The following CADPS variants were observed in gnomAD, a reference collection of about 807,000 sequenced individuals.
The protein encoded by CADPS is calcium-dependent secretion activator 1.
CADPS carries 57 observed loss-of-function variants against 167.3 expected under a neutral mutation model. The observed-to-expected ratio is 0.34, with a 90% CI of 0.28 to 0.42. CADPS has a LOEUF of 0.42. Among genes scored for constraint, CADPS ranks in the 20% least tolerant of loss-of-function variants. CADPS has a pLI of 1.00. For missense variants in CADPS, 1,414 were observed against 1,738.1 expected (o/e 0.81, Z 3.32); for synonymous variants, 676 against 635.3 (o/e 1.06, Z -0.96).
chr3:62,852,700 T>G (rs1055306268), intron 1 of CADPS, among the ~76,000 whole-genome samples: 1 of 152,128 alleles, frequency 6.6e-6, no homozygotes, highest in Non-Finnish European at 1.5e-5. Context: ...TGATCCATAA[T>G]TTCCACTTCT....
intron 6 of CADPS, among the ~76,000 whole-genome samples, chr3:62,638,273 T>C (rs951044890): frequency 6.6e-6 from 1 of 152,106 alleles, no homozygotes; most frequent in African/African-American, 2.4e-5. Flanking sequence ...CAAGTATCTG[T>C]TATTTTCTTA....
chr3:62,650,438 G>A (rs1022964206), intron 5 of CADPS, among the ~76,000 whole-genome samples: 1 of 152,098 alleles, frequency 6.6e-6, no homozygotes, highest in Non-Finnish European at 1.5e-5. Context: ...TCCACCACAA[G>A]GGACTCTCTA....
chr3:62,680,957 G>A (rs927340014), intron 3 of CADPS, among the ~76,000 whole-genome samples: 1 of 151,940 alleles, frequency 6.6e-6, no homozygotes, highest in Admixed American at 6.6e-5. Context: ...GTTCTTCATG[G>A]TCTGGGCTCA....
rs562127095 is a variant in CADPS, at chr3:62,827,132, T to A, written c.441+47457A>T. 2.0e-5 allele frequency among the ~76,000 whole-genome samples: 3 copies of A among 152,296 alleles called. No homozygotes were observed. In the South Asian group the frequency reaches 6.2e-4, roughly 32 times the overall value. ...TGTACTGCAGAGGGTGTGGGGGTGC[T>A]ATTTCTTGATTCCCCCCACCCAGGT... is the stretch of plus-strand genomic sequence containing the variant. On this transcript the variant is annotated intron_variant, in intron 1 of 29. Coordinates refer to ENST00000383710, the MANE Select transcript of CADPS (RefSeq NM_003716.4).
chr3:62,433,352 G>A lies in CADPS; in HGVS notation c.3777+4752C>T, dbSNP rs1414989777. ...AACAGCAAATTAAAATCCGTGCGAGGCAAAGAATACTGAGTAGCAGCCCCT... is the reference window on the plus strand; with the variant it reads ...AACAGCAAATTAAAATCCGTGCGAGACAAAGAATACTGAGTAGCAGCCCCT... On this transcript the variant is annotated intron_variant, in intron 28 of 29. Transcript: ENST00000383710. This position sits in a 1 kb window ranked among gnomAD's most constrained non-coding sequence, Gnocchi z 4.7. Among the ~76,000 whole-genome samples the A allele has an allele frequency of 2.6e-5, 4 of 152,126 alleles. No individual in the cohort carries two copies. The highest frequency in any genetic ancestry group is 4.4e-5 in the Non-Finnish European group (3 of 68,028).
At chr3:62,547,175 C>T (rs1275581184) in intron 11 of CADPS, among the ~76,000 whole-genome samples, 1 of 152,134 alleles carries the variant, frequency 6.6e-6, no homozygotes, top group Non-Finnish European at 1.5e-5. Context: ...TGTTGAAGCT[C>T]TGTTGCAGGG....
intron 3 of CADPS, among the ~76,000 whole-genome samples, chr3:62,750,602 C>T (rs761266117): frequency 1.3e-5 from 2 of 152,076 alleles, no homozygotes; most frequent in Admixed American, 6.6e-5. Context: ...AATTTGGAGA[C>T]ATAAAAAAGC....
chr3:62,767,978 C>G (rs1365258433), intron 1 of CADPS, among the ~76,000 whole-genome samples: 2 of 152,090 alleles, frequency 1.3e-5, no homozygotes, highest in African/African-American at 2.4e-5. Context: ...TTCAGAGTAA[C>G]CAAACTGCAG....
chr3:62,423,157 T>A (rs1188524855), intron 28 of CADPS, among the ~76,000 whole-genome samples: 1 of 152,212 alleles, frequency 6.6e-6, no homozygotes, highest in Non-Finnish European at 1.5e-5. Context: ...GGATGGGGTA[T>A]CACCCTGAAG....
At chr3:62,647,488 C>T (rs2068849705) in intron 5 of CADPS, among the ~76,000 whole-genome samples, 1 of 152,170 alleles carries the variant, frequency 6.6e-6, no homozygotes, top group Non-Finnish European at 1.5e-5. Context: ...AGAAGCCATA[C>T]TTTCAAAACC....
intron 1 of CADPS, among the ~76,000 whole-genome samples, chr3:62,780,859 G>C (rs992693517): frequency 3.9e-5 from 6 of 152,064 alleles, no homozygotes; most frequent in African/African-American, 1.4e-4. Flanking sequence ...CAGCTCATTA[G>C]ATATTTATAT....
At chr3:62,565,124 G>A (rs1312910358) in intron 9 of CADPS, among the ~76,000 whole-genome samples, 1 of 152,134 alleles carries the variant, frequency 6.6e-6, no homozygotes, top group African/African-American at 2.4e-5. Context: ...ACTAACAGTA[G>A]TAATCAATGT....
chr3:62,627,846 C>T (rs1190391780), intron 6 of CADPS, among the ~76,000 whole-genome samples: 2 of 152,070 alleles, frequency 1.3e-5, no homozygotes, highest in South Asian at 2.1e-4. Flanking sequence ...AAACAGGATT[C>T]CCCTTTCCTC....
rs478123 is a variant in CADPS, at chr3:62,753,417, A to G, written c.888+24T>C. 0.9 allele frequency: 1,409,783 copies of G among 1,569,946 alleles called. 634,605 individuals are homozygous for G. The highest frequency in any genetic ancestry group is 0.93 in the East Asian group (41,194 of 44,402). On this transcript the variant is annotated intron_variant, in intron 3 of 29. Transcript: ENST00000383710. This position sits in a 1 kb window ranked among gnomAD's most constrained non-coding sequence, Gnocchi z 4.6. ...TGCAGCTCTGCTTACCCACAGCTCT[A>G]GGCCCAGGCGAGAAACACCTTACCT...
intron 8 of CADPS, among the ~76,000 whole-genome samples, chr3:62,584,887 T>C (rs1490295370): frequency 6.6e-6 from 1 of 152,194 alleles, no homozygotes; most frequent in African/African-American, 2.4e-5. Context: ...ACGCGGAGCC[T>C]GTAAGACCTC....
At chr3:62,501,875 C>A (rs985858729) in intron 17 of CADPS, among the ~76,000 whole-genome samples, 2 of 152,198 alleles carry the variant, frequency 1.3e-5, no homozygotes, top group Non-Finnish European at 2.9e-5. Flanking sequence ...ATAAATTGTG[C>A]ATGTGCATGC....
intron 11 of CADPS, among the ~76,000 whole-genome samples, chr3:62,549,122 T>C (rs1439933739): frequency 3.9e-5 from 6 of 152,226 alleles, no homozygotes; most frequent in Non-Finnish European, 8.8e-5. Context: ...TCTGATTGAC[T>C]TGATATTCAG....
At chr3:62,629,757 G>GTTTTTTTTTTTTTTTTTTTT (rs55956118) in intron 6 of CADPS, among the ~76,000 whole-genome samples, 3 of 145,672 alleles carry the variant, frequency 2.1e-5, no homozygotes, top group Non-Finnish European at 3.0e-5. Flanking sequence ...CTCTGGTACA[G>GTTTTTTTTTTTTTTTTTTTT]TTTTTTTTTT....
chr3:62,518,042 A>G, intron 14 of CADPS, 107 bp downstream of exon 14: 2 of 755,782 alleles, frequency 2.6e-6, no homozygotes, highest in Non-Finnish European at 4.6e-6. Context: ...ATTTCTAAAT[A>G]TCCAATGTAT....
Sources: allele counts gnomAD v4.1 joint callset (sites outside exome capture counted in the v4.1 genomes callset), GRCh38; gene constraint gnomAD v4.1.1; non-coding constraint Gnocchi (gnomAD v3.1); transcripts MANE v1.5; gene names NCBI Gene and HGNC (gene_info 2026-07-23, HGNC 2026-07-21).